Variants in NCK2 observed in about 807,000 individuals in gnomAD.
The protein encoded by NCK2 is NCK adaptor protein 2, also known as cytoplasmic protein NCK2.
A neutral mutation model predicts 33.9 loss-of-function variants in NCK2; 16 were observed. The observed-to-expected ratio is 0.47, with a 90% CI of 0.32 to 0.72. The LOEUF (loss-of-function observed/expected upper bound fraction) is 0.72, where lower values mean the gene tolerates loss of function less well. Ranked by LOEUF, NCK2 falls within the 30% of genes least tolerant of loss-of-function variation. NCK2 has a pLI of 0.03. For synonymous variants in NCK2, 273 were observed against 239.9 expected (o/e 1.14, Z -1.27); for missense variants, 418 against 537.3 (o/e 0.78, Z 2.19).
At chr2:105,844,283 G>T (rs1487614175) in intron 2 of NCK2, among the ~76,000 whole-genome samples, 2 of 151,934 alleles carry the variant, frequency 1.3e-5, no homozygotes, top group Non-Finnish European at 2.9e-5. Flanking sequence ...TGGGATCTTG[G>T]GACAAGAAAA....
chr2:105,782,719 T>C (rs1016902969), intron 1 of NCK2, among the ~76,000 whole-genome samples: 1 of 152,118 alleles, frequency 6.6e-6, no homozygotes, highest in African/African-American at 2.4e-5. Flanking sequence ...TTTGGCAAAA[T>C]GGGCTGCAGC....
intron 1 of NCK2, among the ~76,000 whole-genome samples, chr2:105,757,071 C>G (rs929250408): frequency 6.6e-6 from 1 of 152,174 alleles, no homozygotes; most frequent in African/African-American, 2.4e-5. Context: ...TCCCAGAGTG[C>G]TGGGATTACA....
intron 1 of NCK2, among the ~76,000 whole-genome samples, chr2:105,756,681 T>A (rs936923414): frequency 8.5e-5 from 13 of 152,260 alleles, no homozygotes; most frequent in African/African-American, 3.1e-4. Flanking sequence ...CAGCAGGTCC[T>A]GGACTTCATT....
intron 2 of NCK2, 52 bp downstream of exon 2, chr2:105,816,665 A>G (rs1292674978): frequency 2.0e-5 from 3 of 152,230 alleles, no homozygotes; most frequent in Admixed American, 1.3e-4. Flanking sequence ...TTTGCTTCAA[A>G]TGCTTAATTT....
chr2:105,889,358 C>G (rs1362355391), intron 4 of NCK2, among the ~76,000 whole-genome samples: 1 of 152,200 alleles, frequency 6.6e-6, no homozygotes, highest in African/African-American at 2.4e-5. Flanking sequence ...AATGGCATTC[C>G]CATCTTTTTC....
At chr2:105,778,980 TAAAAC>T (rs578098897) in intron 1 of NCK2, among the ~76,000 whole-genome samples, 10 of 152,306 alleles carry the variant, frequency 6.6e-5, no homozygotes, top group South Asian at 2.1e-4. Flanking sequence ...ATTTAAATGT[TAAAAC>T]AAATAATTGA....
chr2:105,819,262 C>G (rs779118232), intron 2 of NCK2, among the ~76,000 whole-genome samples: 27 of 151,510 alleles, frequency 1.8e-4, no homozygotes, highest in Admixed American at 2.0e-4. Context: ...TGTTCCTGTT[C>G]CAAACCTAGG....
intron 1 of NCK2, among the ~76,000 whole-genome samples, chr2:105,746,589 A>G (rs1229451129): frequency 6.6e-6 from 1 of 152,242 alleles, no homozygotes; most frequent in East Asian, 1.9e-4. Context: ...ACAGGATTCA[A>G]GCCTTGCGAG....
At chr2:105,809,253 T>C (rs550897476) in intron 1 of NCK2, among the ~76,000 whole-genome samples, 12 of 152,284 alleles carry the variant, frequency 7.9e-5, no homozygotes, top group African/African-American at 2.9e-4. Flanking sequence ...CAAGTTCCTG[T>C]TGCGTGTGTC....
chr2:105,844,483 G>T (rs1317943763), intron 2 of NCK2, among the ~76,000 whole-genome samples: 1 of 151,786 alleles, frequency 6.6e-6, no homozygotes, highest in African/African-American at 2.4e-5. Flanking sequence ...CAGCACTTTG[G>T]GAGGCTGAGG....
intron 2 of NCK2, among the ~76,000 whole-genome samples, chr2:105,853,366 A>G (rs2104579140): frequency 6.6e-6 from 1 of 152,326 alleles, no homozygotes; most frequent in Admixed American, 6.5e-5. Flanking sequence ...TAATACACGC[A>G]TCTATTTATT....
chr2:105,855,460 G>T (rs1013087548), intron 3 of NCK2, 171 bp downstream of exon 3: 8 of 591,732 alleles, frequency 1.4e-5, no homozygotes, highest in Middle Eastern at 4.6e-4. Context: ...GGAGAAAGAG[G>T]ATGTTTTTCA....
chr2:105,794,071 C>T (rs1459198620), intron 1 of NCK2, among the ~76,000 whole-genome samples: 3 of 124,210 alleles, frequency 2.4e-5, no homozygotes, highest in Admixed American at 9.3e-5. Context: ...TTTTTGGAGA[C>T]GGAATCTTGC....
intron 3 of NCK2, among the ~76,000 whole-genome samples, chr2:105,877,755 C>T (rs1008836425): frequency 2.0e-5 from 3 of 152,148 alleles, no homozygotes; most frequent in African/African-American, 7.2e-5. Flanking sequence ...GGACACCAGC[C>T]GCTATCAGAA....
intron 1 of NCK2, among the ~76,000 whole-genome samples, chr2:105,790,317 T>G (rs1415504781): frequency 6.6e-6 from 1 of 152,248 alleles, no homozygotes; most frequent in Non-Finnish European, 1.5e-5. Flanking sequence ...TTAGCAGATC[T>G]TGCCCTGCTG....
chr2:105,792,365 T>C (rs1361514521), intron 1 of NCK2, among the ~76,000 whole-genome samples: 4 of 152,176 alleles, frequency 2.6e-5, no homozygotes. Flanking sequence ...TGGCCAATCC[T>C]TTATCTAAGC....
chr2:105,820,023 T>TA (rs1675664090), intron 2 of NCK2, among the ~76,000 whole-genome samples: 2 of 152,238 alleles, frequency 1.3e-5, no homozygotes, highest in Non-Finnish European at 2.9e-5. Context: ...TGGAGGTTCT[T>TA]ACAGCCAGTC....
chr2:105,768,905 G>A (rs17031732), intron 1 of NCK2, among the ~76,000 whole-genome samples: 10 of 151,972 alleles, frequency 6.6e-5, no homozygotes, highest in Admixed American at 6.6e-4. Context: ...ATGAGTTCAT[G>A]ACGTGGAGGC....
At chr2:105,771,535 A>C (rs1188122083) in intron 1 of NCK2, among the ~76,000 whole-genome samples, 2 of 152,184 alleles carry the variant, frequency 1.3e-5, no homozygotes, top group East Asian at 3.9e-4. Context: ...ACTGTACTCC[A>C]GCCTGGGCGA....
Sources: allele counts gnomAD v4.1 joint callset (sites outside exome capture counted in the v4.1 genomes callset), GRCh38; gene constraint gnomAD v4.1.1; transcripts MANE v1.5; gene names NCBI Gene and HGNC (gene_info 2026-07-23, HGNC 2026-07-21).